Variants in MIR2052HG observed in about 807,000 individuals in gnomAD.
MIR2052HG encodes the protein MIR2052 host gene.
In MIR2052HG at chr8:74,619,740, G is replaced by A. The variant is rs1054575087; in HGVS notation, n.216+6800G>A. Among the ~76,000 whole-genome samples the A allele has an allele frequency of 2.6e-5, 4 of 152,306 alleles. 1 individual carries two copies. In the South Asian group the frequency reaches 8.3e-4, roughly 32 times the overall value. ...CACCTGGTCCCACCTTGACATGTGG[G>A]AATTATGGGGATTACAATTCAAGAT... On this transcript the variant is annotated intron_variant and non_coding_transcript_variant, in intron 2 of 6. Transcript: ENST00000523442.
chr8:74,603,733 G>T (rs1302414187), intron 1 of MIR2052HG: 4 of 870,182 alleles, frequency 4.6e-6, no homozygotes, highest in Middle Eastern at 2.2e-4. Context: ...CACGCCCTTC[G>T]GGGGGGACTC....
chr8:74,732,317 A>G (rs1217043923), intron 4 of MIR2052HG, among the ~76,000 whole-genome samples: 1 of 152,198 alleles, frequency 6.6e-6, no homozygotes, highest in Non-Finnish European at 1.5e-5. Flanking sequence ...AAAGAATTTG[A>G]ACATCCATGG....
intron 2 of MIR2052HG, among the ~76,000 whole-genome samples, chr8:74,686,450 A>G (rs936440692): frequency 6.6e-6 from 1 of 152,070 alleles, no homozygotes; most frequent in Non-Finnish European, 1.5e-5. Context: ...AGTATTGGTC[A>G]TCCATCTATT....
intron 2 of MIR2052HG, among the ~76,000 whole-genome samples, chr8:74,665,048 G>A (rs1003669501): frequency 2.0e-5 from 3 of 152,120 alleles, no homozygotes; most frequent in African/African-American, 7.2e-5. Context: ...CTTCTCTTCT[G>A]TTACAACTTT....
intron 2 of MIR2052HG, among the ~76,000 whole-genome samples, chr8:74,649,461 G>A (rs560707054): frequency 2.6e-5 from 4 of 152,174 alleles, no homozygotes; most frequent in Admixed American, 6.5e-5. Context: ...AGGGGTATGA[G>A]ATAAAAACGT....
intron 4 of MIR2052HG, among the ~76,000 whole-genome samples, chr8:74,720,736 GGT>G (rs977278593): frequency 6.6e-6 from 1 of 151,864 alleles, no homozygotes; most frequent in Non-Finnish European, 1.5e-5. Context: ...TTTGGGGGGC[GGT>G]GTGTGTGTAT....
At chr8:74,614,878 C>T (rs1033740754) in intron 2 of MIR2052HG, among the ~76,000 whole-genome samples, 2 of 151,362 alleles carry the variant, frequency 1.3e-5, no homozygotes, top group Admixed American at 6.6e-5. Context: ...AGATTGAATG[C>T]AGTTTTTCCC....
chr8:74,652,162 T>A (rs1808760192), intron 2 of MIR2052HG, among the ~76,000 whole-genome samples: 1 of 152,218 alleles, frequency 6.6e-6, no homozygotes, highest in Admixed American at 6.5e-5. Context: ...CATTACAGAC[T>A]GTCTCCTGCA....
intron 2 of MIR2052HG, among the ~76,000 whole-genome samples, chr8:74,613,322 A>G (rs1025070143): frequency 2.6e-5 from 4 of 152,176 alleles, no homozygotes; most frequent in Non-Finnish European, 5.9e-5. Context: ...CAACTATAAT[A>G]TTCTTGATAT....
chr8:74,631,765 A>G (rs1364275013), intron 2 of MIR2052HG, among the ~76,000 whole-genome samples: 1 of 152,210 alleles, frequency 6.6e-6, no homozygotes, highest in Non-Finnish European at 1.5e-5. Flanking sequence ...AGGCACCAGC[A>G]GATTCAGTGT....
At chr8:74,709,591 T>C (rs1046256066) in intron 4 of MIR2052HG, among the ~76,000 whole-genome samples, 4 of 152,112 alleles carry the variant, frequency 2.6e-5, no homozygotes, top group Admixed American at 1.3e-4. Flanking sequence ...TGGGGCAATA[T>C]CTTGGAATCT....
chr8:74,669,292 T>C lies in MIR2052HG; in HGVS notation n.217-33087T>C, dbSNP rs1371597224. Among the ~76,000 whole-genome samples, 4 of 152,284 alleles carry C rather than the reference T, an allele frequency of 2.6e-5. No individual in the cohort carries two copies. In the South Asian group the frequency reaches 8.3e-4, roughly 32 times the overall value. ...TGTTCCTCAAAAATCCACATCCTAT[T>C]GATCAACATTCTGTCAGCCCTGCCT... On this transcript the variant is annotated intron_variant and non_coding_transcript_variant, in intron 2 of 6. Transcript: ENST00000523442.
intron 2 of MIR2052HG, among the ~76,000 whole-genome samples, chr8:74,616,844 A>G (rs1437507937): frequency 6.6e-6 from 1 of 152,096 alleles, no homozygotes; most frequent in Non-Finnish European, 1.5e-5. Context: ...GGCTAAATCT[A>G]ATGGTTAAGA....
At chr8:74,755,617 T>C (rs1415554299) in intron 5 of MIR2052HG, among the ~76,000 whole-genome samples, 1 of 152,220 alleles carries the variant, frequency 6.6e-6, no homozygotes, top group Non-Finnish European at 1.5e-5. Flanking sequence ...TTGGCGCTTC[T>C]AAGAGTTTCA....
intron 4 of MIR2052HG, among the ~76,000 whole-genome samples, chr8:74,734,359 C>T (rs182172285): frequency 7.9e-5 from 12 of 152,294 alleles, no homozygotes; most frequent in Admixed American, 4.6e-4. Flanking sequence ...CACATATGGG[C>T]ATTTTGTAGT....
chr8:74,742,930 G>A (rs988493889), intron 4 of MIR2052HG, among the ~76,000 whole-genome samples: 1 of 152,126 alleles, frequency 6.6e-6, no homozygotes, highest in African/African-American at 2.4e-5. Flanking sequence ...TCCCTTGGAT[G>A]TCATGGTATA....
intron 4 of MIR2052HG, among the ~76,000 whole-genome samples, chr8:74,732,265 G>A (rs565895492): frequency 6.6e-6 from 1 of 152,084 alleles, no homozygotes; most frequent in Non-Finnish European, 1.5e-5. Context: ...GTATACAAGA[G>A]GATGTGTGTA....
intron 3 of MIR2052HG, chr8:74,703,518 G>A (rs549608936): frequency 2.5e-4 from 93 of 364,738 alleles, no homozygotes; most frequent in African/African-American, 1.9e-3. Context: ...AGGATTTAGG[G>A]CAATCAGGAG....
chr8:74,626,404 G>C (rs924786109), intron 2 of MIR2052HG, among the ~76,000 whole-genome samples: 1 of 152,176 alleles, frequency 6.6e-6, no homozygotes, highest in Admixed American at 6.5e-5. Flanking sequence ...AAAGTACAGG[G>C]ATTGGGCCAT....
Sources: gnomAD v4.1 joint callset for allele counts (sites outside exome capture counted in the v4.1 genomes callset) on GRCh38, gnomAD v4.1.1 for gene constraint, MANE v1.5 for transcripts, NCBI Gene and HGNC (gene_info 2026-07-23, HGNC 2026-07-21) for gene names.